The following BICD1 variants were observed in gnomAD, a reference collection of about 807,000 sequenced individuals.
The protein encoded by BICD1 is protein bicaudal D homolog 1.
A neutral mutation model predicts 92.5 loss-of-function variants in BICD1; 35 were observed. The observed-to-expected ratio is 0.38, with a 90% CI of 0.29 to 0.50. BICD1 has a LOEUF of 0.50. Ranked by LOEUF, BICD1 falls within the 20% of genes least tolerant of loss-of-function variation. The pLI is 0.93. For missense variants in BICD1, 950 were observed against 1,189.8 expected, an observed-to-expected ratio of 0.80 and a Z score of 2.97; for synonymous variants, 429 against 465.1, an observed-to-expected ratio of 0.92 and a Z score of 1.00.
intron 1 of BICD1, among the ~76,000 whole-genome samples, chr12:32,210,532 A>G (rs759230642): frequency 6.6e-6 from 1 of 152,240 alleles, no homozygotes; most frequent in Non-Finnish European, 1.5e-5. Flanking sequence ...TCATGTAAGT[A>G]GAAGGAGAAA....
At chr12:32,233,217 G>A (rs1007819421) in intron 2 of BICD1, among the ~76,000 whole-genome samples, 1 of 151,180 alleles carries the variant, frequency 6.6e-6, no homozygotes, top group South Asian at 2.1e-4. Flanking sequence ...GGCTACTCTG[G>A]AGGCTGAGAC....
intron 1 of BICD1, among the ~76,000 whole-genome samples, chr12:32,172,296 G>C (rs1446664589): frequency 2.6e-5 from 4 of 152,178 alleles, no homozygotes; most frequent in Non-Finnish European, 5.9e-5. Context: ...TAGTTATATA[G>C]AGATGAAAAG....
Position 32,112,430 on chromosome 12 carries a change from G to C in BICD1, c.213+4886G>C, listed in dbSNP as rs371382667. Among the ~76,000 whole-genome samples, 5 of 152,284 alleles carry C rather than the reference G, an allele frequency of 3.3e-5. No homozygotes were observed. The South Asian group carries it at 1.0e-3, about 32-fold the overall frequency. On this transcript the variant is annotated intron_variant, in intron 1 of 9. Coordinates refer to ENST00000652176, the MANE Select transcript of BICD1 (RefSeq NM_001714.4). The stretch of plus-strand genomic sequence containing the variant: ...TATGTGAACATGTATGACAGCGATG[G>C]TTTGAAGGTTTCTTCAGAACTTTCT...
At chr12:32,108,536 C>T in intron 1 of BICD1, 2 of 577,090 alleles carry the variant, frequency 3.5e-6, no homozygotes, top group Non-Finnish European at 6.2e-6. Flanking sequence ...ATATACACTC[C>T]TTTTCTGTGT....
At chr12:32,237,505 T>C (rs1946108043) in intron 2 of BICD1, among the ~76,000 whole-genome samples, 1 of 152,202 alleles carries the variant, frequency 6.6e-6, no homozygotes, top group South Asian at 2.1e-4. Flanking sequence ...GAGAAGTCAA[T>C]GCTTCAAAGT....
Position 32,377,727 on chromosome 12 carries a change from T to C in BICD1, c.*100T>C. The C allele has an allele frequency of 9.5e-7, 1 of 1,057,258 alleles. No homozygotes were observed. Among genetic ancestry groups the C allele is most frequent in the Non-Finnish European group, 1.5e-6 (1 of 685,168 alleles). 65.5% of individuals were successfully genotyped at this position (1,057,258 alleles called of 1,614,324 possible). On this transcript the variant is annotated 3_prime_UTR_variant, in exon 10 of 10. Transcript: ENST00000652176. ...GGGTGTTTTCTTCTCGGTTGTTAGA[T>C]GTACAATTGGATTAATGTCCATCGT...
rs372104928 is a variant in BICD1, at chr12:32,177,742, T to A, written c.214-38505T>A. On this transcript the variant is annotated intron_variant, in intron 1 of 9. Transcript: ENST00000652176. ...ATATAAATATATTTATATATTTATA[T>A]AAAATATATATAAATATTTTAATAT... is the stretch of plus-strand genomic sequence containing the variant. 0.013 allele frequency among the ~76,000 whole-genome samples: 75 copies of A among 5,590 alleles called. 3 individuals carry two copies. In the East Asian group the frequency reaches 0.23, roughly 17 times the overall value. 3.7% of individuals were successfully genotyped at this position (5,590 alleles called of 152,430 possible).
At position 32,282,199 on chromosome 12, in the gene BICD1, C is replaced by CTTTTTTTTTTTTTTTTT. The variant is rs1565639578; in HGVS notation, c.427-11793_427-11792insTTTTTTTTTTTTTTTTT. 2.9e-5 allele frequency among the ~76,000 whole-genome samples: 2 copies of CTTTTTTTTTTTTTTTTT among 68,994 alleles called. 1 individual carries two copies. Among genetic ancestry groups the CTTTTTTTTTTTTTTTTT allele is most frequent in the South Asian group, 1.1e-3 (2 of 1,866 alleles). 45.3% of individuals were successfully genotyped at this position (68,994 alleles called of 152,430 possible). ...AAAGCAAGACCCAGCTTCAGGTCTT[C>CTTTTTTTTTTTTTTTTT]TTCTTTTTTTTTTTTTTTTTTTTTT... On this transcript the variant is annotated intron_variant, in intron 2 of 9. Transcript: ENST00000652176.
intron 1 of BICD1, among the ~76,000 whole-genome samples, chr12:32,117,332 TTA>T (rs1377182361): frequency 1.3e-5 from 2 of 152,328 alleles, no homozygotes; most frequent in Admixed American, 6.5e-5. Flanking sequence ...TTTATGTTTT[TTA>T]TACTTTTCCC....
intron 2 of BICD1, among the ~76,000 whole-genome samples, chr12:32,284,078 G>T (rs1403789130): frequency 6.6e-6 from 1 of 152,236 alleles, no homozygotes; most frequent in Non-Finnish European, 1.5e-5. Flanking sequence ...AGAAATCCCT[G>T]TGGGGTGGGG....
chr12:32,215,073 A>C (rs1945312668), intron 1 of BICD1, among the ~76,000 whole-genome samples: 1 of 152,154 alleles, frequency 6.6e-6, no homozygotes, highest in Non-Finnish European at 1.5e-5. Flanking sequence ...TACTAAAAGG[A>C]CAAAAATTAG....
At chr12:32,112,341 G>A (rs1941729507) in intron 1 of BICD1, among the ~76,000 whole-genome samples, 2 of 152,084 alleles carry the variant, frequency 1.3e-5, no homozygotes, top group African/African-American at 4.8e-5. Context: ...TTCGTCTCTG[G>A]CGAAGTTATT....
chr12:32,170,344 G>T (rs903457339), intron 1 of BICD1, among the ~76,000 whole-genome samples: 2 of 152,022 alleles, frequency 1.3e-5, no homozygotes, highest in African/African-American at 4.8e-5. Context: ...TGCCTTAAAT[G>T]CTTTTTGGAA....
At chr12:32,262,033 A>G (rs1250680668) in intron 2 of BICD1, among the ~76,000 whole-genome samples, 1 of 152,216 alleles carries the variant, frequency 6.6e-6, no homozygotes, top group African/African-American at 2.4e-5. Context: ...GGTTGTTACT[A>G]TTAAACGTGA....
At chr12:32,264,427 A>T (rs1946937823) in intron 2 of BICD1, among the ~76,000 whole-genome samples, 1 of 152,252 alleles carries the variant, frequency 6.6e-6, no homozygotes, top group Non-Finnish European at 1.5e-5. Context: ...CTCCATAAAA[A>T]ATACATATAG....
At chr12:32,251,966 T>G (rs1425204273) in intron 2 of BICD1, among the ~76,000 whole-genome samples, 1 of 138,920 alleles carries the variant, frequency 7.2e-6, no homozygotes, top group Non-Finnish European at 1.5e-5. Context: ...ACAAAACTTT[T>G]AAAACTTTAC....
intron 1 of BICD1, among the ~76,000 whole-genome samples, chr12:32,168,436 G>T (rs1455500157): frequency 6.6e-6 from 1 of 152,126 alleles, no homozygotes; most frequent in African/African-American, 2.4e-5. Flanking sequence ...GAAGCCAACT[G>T]CTCAGTGGTT....
intron 2 of BICD1, among the ~76,000 whole-genome samples, chr12:32,229,112 G>A (rs1245876558): frequency 7.9e-5 from 12 of 152,104 alleles, no homozygotes; most frequent in African/African-American, 2.9e-4. Flanking sequence ...TTAGCCGGGC[G>A]TGGTGGTGCA....
intron 1 of BICD1, among the ~76,000 whole-genome samples, chr12:32,179,731 C>T (rs903167654): frequency 6.6e-6 from 1 of 151,848 alleles, no homozygotes; most frequent in Admixed American, 6.6e-5. Flanking sequence ...TGGCTCATGC[C>T]TGTTATCTTA....
Sources: allele counts gnomAD v4.1 joint callset (sites outside exome capture counted in the v4.1 genomes callset), GRCh38; gene constraint gnomAD v4.1.1; transcripts MANE v1.5; gene names NCBI Gene and HGNC (gene_info 2026-07-23, HGNC 2026-07-21).